Variants in EPB41L5 observed in about 807,000 individuals in gnomAD.
EPB41L5 encodes the protein erythrocyte membrane protein band 4.1 like 5, also known as band 4.1-like protein 5.
EPB41L5 carries 55 observed loss-of-function variants against 106.6 expected under a neutral mutation model. The ratio of observed to expected loss-of-function variants is 0.52; its 90% CI spans 0.42 to 0.65. The LOEUF is 0.65. Among genes scored for constraint, EPB41L5 ranks in the 30% least tolerant of loss-of-function variants. EPB41L5 has a pLI of 0.00. For missense variants in EPB41L5, 871 were observed against 882.1 expected (o/e 0.99, Z 0.16); for synonymous variants, 297 against 306.7 (o/e 0.97, Z 0.33).
At chr2:120,033,529 G>A (rs1164044100) in intron 2 of EPB41L5, among the ~76,000 whole-genome samples, 1 of 151,702 alleles carries the variant, frequency 6.6e-6, no homozygotes, top group Non-Finnish European at 1.5e-5. Flanking sequence ...CCAACGTGGT[G>A]AAACCCCATC....
intron 3 of EPB41L5, among the ~76,000 whole-genome samples, chr2:120,043,686 A>G (rs985654480): frequency 1.1e-4 from 16 of 152,198 alleles, no homozygotes; most frequent in African/African-American, 3.9e-4. Flanking sequence ...TGGAGGCTGC[A>G]GTGAGCTGTG....
In EPB41L5 at chr2:120,164,955, T is replaced by C. The variant is rs747082377; in HGVS notation, c.1962+45T>C. 1.9e-5 allele frequency: 27 copies of C among 1,401,424 alleles called. No homozygotes were observed. In the South Asian group the frequency reaches 2.6e-4, roughly 14 times the overall value. 86.8% of individuals were successfully genotyped at this position (1,401,424 alleles called of 1,614,324 possible). ...GTATGATGGAAAGAAATTTCTGTTT[T>C]GAAAAATGTTCCTGCTAGATTCCAG... On this transcript the variant is annotated intron_variant, in intron 22 of 24. Transcript: ENST00000263713.
chr2:120,077,822 G>C (rs1344013251), intron 9 of EPB41L5, among the ~76,000 whole-genome samples: 2 of 152,098 alleles, frequency 1.3e-5, no homozygotes, highest in African/African-American at 4.8e-5. Flanking sequence ...CTGCTATAAA[G>C]ACATAAATTT....
In EPB41L5 at chr2:120,131,706, A is replaced by C. The variant is rs748021060; in HGVS notation, c.1590A>C (p.Ile530=). Residue 530 remains isoleucine (I), a synonymous_variant, in exon 18 of 25, where the codon ATA becomes ATC. Coordinates refer to ENST00000263713, the MANE Select transcript of EPB41L5 (RefSeq NM_020909.4). ...LSPRSNIDVN[I]NSQEEVVKLT... ...CTCGATCCAACATCGATGTTAACAT[A>C]AACAGCCAGGTATTCAGATTTCCCC... is the stretch of plus-strand genomic sequence containing the variant. 1 of 1,612,816 alleles carries C rather than the reference A, an allele frequency of 6.2e-7. No homozygotes were observed. Among genetic ancestry groups the C allele is most frequent in the Non-Finnish European group, 8.5e-7 (1 of 1,178,870 alleles).
At position 120,090,457 on chromosome 2, in the gene EPB41L5, C is replaced by T. The variant is rs142943979; in HGVS notation, c.984C>T (p.Pro328=). 4.1e-5 allele frequency: 66 copies of T among 1,613,594 alleles called. No individual in the cohort carries two copies. In the African/African-American group the frequency reaches 6.4e-4, roughly 16 times the overall value. ...ATGCTTTCTTCCGCCTTCGAGGCCCCGTCCAAAAGAGTTCTCATCGATCAG... is the reference window on the plus strand; with the variant it reads ...ATGCTTTCTTCCGCCTTCGAGGCCCTGTCCAAAAGAGTTCTCATCGATCAG... ...EHHAFFRLRG[P]VQKSSHRSGF... The change falls in exon 12 of 25, where the codon CCC becomes CCT. Residue 328 remains proline (P), a synonymous_variant. Transcript: ENST00000263713.
At chr2:120,092,182 C>T (rs1347303518) in intron 13 of EPB41L5, among the ~76,000 whole-genome samples, 1 of 152,050 alleles carries the variant, frequency 6.6e-6, no homozygotes, top group African/African-American at 2.4e-5. Flanking sequence ...GCATGCGCCA[C>T]CACTCCTGAC....
At chr2:120,034,615 A>T (rs1678925712) in intron 2 of EPB41L5, among the ~76,000 whole-genome samples, 1 of 152,094 alleles carries the variant, frequency 6.6e-6, no homozygotes, top group Admixed American at 6.6e-5. Flanking sequence ...ATAACCCAGC[A>T]CTTTGGGAGG....
chr2:120,144,221 A>T (rs1558903967), intron 19 of EPB41L5, among the ~76,000 whole-genome samples: 1 of 152,160 alleles, frequency 6.6e-6, no homozygotes, highest in Non-Finnish European at 1.5e-5. Flanking sequence ...TGCTCTTATA[A>T]AAGAGCCTGG....
At chr2:120,126,830 A>G (rs892615374) in intron 16 of EPB41L5, among the ~76,000 whole-genome samples, 1 of 152,216 alleles carries the variant, frequency 6.6e-6, no homozygotes, top group East Asian at 1.9e-4. Context: ...TGGGATTTCG[A>G]TAGTGAATAC....
chr2:120,148,231 G>A (rs1156974340), intron 20 of EPB41L5, among the ~76,000 whole-genome samples: 1 of 151,774 alleles, frequency 6.6e-6, no homozygotes, highest in African/African-American at 2.4e-5. Flanking sequence ...TTACAAAATT[G>A]TGCAACCATT....
chr2:120,078,621 T>C (rs950941489), intron 10 of EPB41L5, 40 bp downstream of exon 10: 1 of 1,362,348 alleles, frequency 7.3e-7, no homozygotes, highest in South Asian at 1.2e-5. Context: ...ACTGTTGTTT[T>C]GGTTTTTAAT....
intron 20 of EPB41L5, among the ~76,000 whole-genome samples, chr2:120,149,000 A>G (rs1686541840): frequency 6.6e-6 from 1 of 152,062 alleles, no homozygotes; most frequent in Non-Finnish European, 1.5e-5. Context: ...GAGGATTCCA[A>G]TTTCTCCGTG....
At position 120,049,484 on chromosome 2, in the gene EPB41L5, C is replaced by T. The variant is rs187356975; in HGVS notation, c.285+7374C>T. ...GTTTTATCAGAGAGTAGGATTGCAACCCCTGCTTTTTTTTTGTTTTCCATT... is the reference window on the plus strand; with the variant it reads ...GTTTTATCAGAGAGTAGGATTGCAATCCCTGCTTTTTTTTTGTTTTCCATT... On this transcript the variant is annotated intron_variant, in intron 3 of 24. Coordinates refer to ENST00000263713, the MANE Select transcript of EPB41L5 (RefSeq NM_020909.4). 5.9e-5 allele frequency among the ~76,000 whole-genome samples: 9 copies of T among 152,102 alleles called. No homozygotes were observed. In the East Asian group the frequency reaches 9.6e-4, roughly 16 times the overall value.
chr2:120,106,976 T>C (rs1684491189), intron 16 of EPB41L5: 1 of 873,192 alleles, frequency 1.1e-6, no homozygotes. Context: ...AATATTGTAA[T>C]ACCAGTATAA....
intron 16 of EPB41L5, among the ~76,000 whole-genome samples, chr2:120,119,727 A>G (rs2105445114): frequency 6.6e-6 from 1 of 152,338 alleles, no homozygotes; most frequent in Non-Finnish European, 1.5e-5. Flanking sequence ...TTAAAAACAT[A>G]CATAAATATA....
intron 3 of EPB41L5, among the ~76,000 whole-genome samples, chr2:120,048,602 C>T (rs1679994170): frequency 6.6e-6 from 1 of 152,056 alleles, no homozygotes; most frequent in South Asian, 2.1e-4. Flanking sequence ...AAAAAAACAG[C>T]TCCTGCATTG....
At chr2:120,050,707 G>A (rs1574535168) in intron 3 of EPB41L5, among the ~76,000 whole-genome samples, 2 of 152,336 alleles carry the variant, frequency 1.3e-5, no homozygotes, top group South Asian at 4.1e-4. Flanking sequence ...GCGAGGAGCT[G>A]CGTTCCTTTG....
At position 120,058,169 on chromosome 2, in the gene EPB41L5, T is replaced by C. The variant is rs527340394; in HGVS notation, c.286-15009T>C. On this transcript the variant is annotated intron_variant, in intron 3 of 24. Coordinates refer to ENST00000263713, the MANE Select transcript of EPB41L5 (RefSeq NM_020909.4). ...TACATACTTGTTATGTTTTGTATTT[T>C]CCTTCATTTTATTTTATTTTTAAAT... Among the ~76,000 whole-genome samples, 4 of 152,306 alleles carry C rather than the reference T, an allele frequency of 2.6e-5. No homozygotes were observed. The East Asian group carries it at 7.7e-4, about 29-fold the overall frequency.
Position 120,040,115 on chromosome 2 carries a change from C to T in EPB41L5, c.181-1891C>T, listed in dbSNP as rs542099101. Reference sequence around the variant, plus strand: ...TATTTAAATGGATAAGTAATATGTGCTAAAAAAAAGATGGCAGCACTGACG... The same window carrying T: ...TATTTAAATGGATAAGTAATATGTGTTAAAAAAAAGATGGCAGCACTGACG... On this transcript the variant is annotated intron_variant, in intron 2 of 24. Coordinates refer to ENST00000263713, the MANE Select transcript of EPB41L5 (RefSeq NM_020909.4). Among the ~76,000 whole-genome samples the T allele has an allele frequency of 4.0e-5, 6 of 150,696 alleles. No homozygotes were observed. The East Asian group carries it at 1.2e-3, about 30-fold the overall frequency.
Sources: gnomAD v4.1 joint callset for allele counts (sites outside exome capture counted in the v4.1 genomes callset) on GRCh38, gnomAD v4.1.1 for gene constraint, MANE v1.5 for transcripts, NCBI Gene and HGNC (gene_info 2026-07-23, HGNC 2026-07-21) for gene names.